PPEF1: variants seen among roughly 807,000 people sequenced by gnomAD.
The protein encoded by PPEF1 is serine/threonine-protein phosphatase with EF-hands 1.
Under a neutral mutation model 53.3 loss-of-function variants are expected in PPEF1, and 12 were observed. That is an observed-to-expected ratio of 0.23 (90% CI 0.14 to 0.36). The LOEUF is 0.36. PPEF1 is among the 10% of genes least tolerant of loss of function. The pLI is 1.00. For missense variants in PPEF1, 334 were observed against 490.4 expected (o/e 0.68, Z 3.01); for synonymous variants, 165 against 176.7 (o/e 0.93, Z 0.52).
intron 12 of PPEF1, among the ~76,000 whole-genome samples, chrX:18,808,030 G>A (rs1453061721): frequency 1.5e-4 from 15 of 99,557 alleles, no homozygotes; most frequent in African/African-American, 4.9e-4. Flanking sequence ...GCAGTGGTGC[G>A]ATCTCAGCTC....
intron 4 of PPEF1, among the ~76,000 whole-genome samples, chrX:18,692,709 A>C (rs1166365481): frequency 8.9e-6 from 1 of 111,840 alleles, no homozygotes. Context: ...TCTGATCCCC[A>C]GAGTGATCTT....
At chrX:18,712,044 G>A (rs1367981633) in intron 1 of PPEF1, among the ~76,000 whole-genome samples, 12 of 112,114 alleles carry the variant, frequency 1.1e-4, no homozygotes, top group Non-Finnish European at 1.7e-4. Context: ...AAGCCACCAC[G>A]CCAGGCCTAC....
chrX:18,827,179 T>G (rs2047186367), intron 15 of PPEF1, 97 bp from the exon 16 acceptor site: 1 of 673,432 alleles, frequency 1.5e-6, no homozygotes, highest in Non-Finnish European at 2.3e-6. Context: ...TTTAGTGAGT[T>G]TCTAACTGGG....
At chrX:18,706,084 A>G (rs894546369), upstream of PPEF1, among the ~76,000 whole-genome samples, 1 of 108,458 alleles carries the variant, frequency 9.2e-6, no homozygotes, top group Non-Finnish European at 1.9e-5. Flanking sequence ...CCTCGGCAAC[A>G]TAGGGAGACC....
At chrX:18,736,189 G>A (rs768765162) in intron 3 of PPEF1, among the ~76,000 whole-genome samples, 8 of 111,756 alleles carry the variant, frequency 7.2e-5, no homozygotes, top group African/African-American at 1.9e-4. Flanking sequence ...GTGAGAGAGG[G>A]CATCCCTGTC....
chrX:18,812,959 C>T (rs1256446035), intron 12 of PPEF1, among the ~76,000 whole-genome samples: 1 of 110,891 alleles, frequency 9.0e-6, no homozygotes, highest in African/African-American at 3.3e-5. Context: ...GGCTGGGTCT[C>T]GAACTCCTGG....
At chrX:18,784,776 A>T (rs890513049) in intron 9 of PPEF1, among the ~76,000 whole-genome samples, 7 of 111,434 alleles carry the variant, frequency 6.3e-5, no homozygotes, top group Non-Finnish European at 1.1e-4. Context: ...CAAGCAGAGC[A>T]GGAGCTAGTA....
intron 13 of PPEF1, 26 bp downstream of exon 13, chrX:18,818,171 A>G: frequency 9.9e-7 from 1 of 1,010,166 alleles, no homozygotes; most frequent in Non-Finnish European, 1.4e-6. Flanking sequence ...AACATTTACC[A>G]TTTCTTAACA....
intron 10 of PPEF1, among the ~76,000 whole-genome samples, chrX:18,799,184 G>T (rs1226646442): frequency 9.5e-6 from 1 of 105,035 alleles, no homozygotes; most frequent in African/African-American, 3.6e-5. Flanking sequence ...AGTGAGCCGA[G>T]ATCACACCAC....
intron 11 of PPEF1, among the ~76,000 whole-genome samples, chrX:18,804,719 C>T (rs759672145): frequency 2.4e-4 from 27 of 112,283 alleles, no homozygotes; most frequent in African/African-American, 8.1e-4. Context: ...CCTCACAGAG[C>T]GCATAAAAGG....
exon 1 of PPEF1, chrX:18,676,116 T>C (rs1213093251): frequency 9.0e-6 from 1 of 110,581 alleles, no homozygotes; most frequent in Non-Finnish European, 1.9e-5. Context: ...TGGGAAGGCC[T>C]CTGGAAGAAA....
intron 12 of PPEF1, among the ~76,000 whole-genome samples, chrX:18,807,888 G>T (rs545957590): frequency 2.5e-4 from 27 of 109,551 alleles, no homozygotes; most frequent in African/African-American, 8.6e-4. Flanking sequence ...TTGAACTCCT[G>T]ACCTCAGGTG....
chrX:18,822,030 T>C (rs2047071642), intron 13 of PPEF1, among the ~76,000 whole-genome samples: 1 of 111,119 alleles, frequency 9.0e-6, no homozygotes, highest in South Asian at 3.8e-4. Flanking sequence ...CTGGAGAGGA[T>C]GGAGCCACCC....
intron 4 of PPEF1, among the ~76,000 whole-genome samples, chrX:18,693,317 A>G (rs1434709875): frequency 8.9e-6 from 1 of 111,757 alleles, no homozygotes; most frequent in African/African-American, 3.2e-5. Context: ...GGTGGCACCA[A>G]CCTACCTCCC....
intron 10 of PPEF1, among the ~76,000 whole-genome samples, chrX:18,794,321 C>G (rs1658491839): frequency 8.9e-6 from 1 of 111,924 alleles, no homozygotes; most frequent in South Asian, 3.7e-4. Flanking sequence ...TCCCAACAAT[C>G]TCCATTGTTT....
At chrX:18,762,715 T>C (rs2045691173) in intron 6 of PPEF1, among the ~76,000 whole-genome samples, 1 of 111,876 alleles carries the variant, frequency 8.9e-6, no homozygotes, top group African/African-American at 3.2e-5. Flanking sequence ...TAAGCTGTCA[T>C]GATGCTGATG....
intron 1 of PPEF1, among the ~76,000 whole-genome samples, chrX:18,725,646 A>G (rs1411873719): frequency 9.0e-6 from 1 of 111,601 alleles, no homozygotes; most frequent in Admixed American, 9.5e-5. Context: ...CCTCAGCACC[A>G]CTGTGCTGAC....
At chrX:18,782,696 A>G (rs1464131966) in intron 8 of PPEF1, among the ~76,000 whole-genome samples, 1 of 111,795 alleles carries the variant, frequency 8.9e-6, no homozygotes, top group African/African-American at 3.3e-5. Flanking sequence ...TAGGTGTGGT[A>G]AAATATGCAG....
At chrX:18,696,041 C>T (rs16980855) in intron 4 of PPEF1, among the ~76,000 whole-genome samples, 4,480 of 112,042 alleles carry the variant, frequency 0.04, 227 homozygotes, top group African/African-American at 0.14. Context: ...TTTTCAGTAC[C>T]CAGAATTCAC....
Sources: allele counts gnomAD v4.1 joint callset (sites outside exome capture counted in the v4.1 genomes callset), GRCh38; gene constraint gnomAD v4.1.1; transcripts MANE v1.5; gene names NCBI Gene and HGNC (gene_info 2026-07-23, HGNC 2026-07-21).